Variants in HAVCR1 observed in about 807,000 individuals in gnomAD.
HAVCR1 encodes T cell immunoglobin domain and mucin domain protein 1.
HAVCR1 carries 34 observed loss-of-function variants against 32.0 expected under a neutral mutation model. The ratio of observed to expected loss-of-function variants is 1.06; its 90% CI spans 0.81 to 1.42. The LOEUF (loss-of-function observed/expected upper bound fraction) is 1.42, where lower values mean the gene tolerates loss of function less well. Ranked by LOEUF, HAVCR1 falls within the 40% of genes most tolerant of loss-of-function variation. The pLI, the probability that HAVCR1 is intolerant of heterozygous loss-of-function variation, is 0.00. For synonymous variants in HAVCR1, 178 were observed against 170.3 expected, an observed-to-expected ratio of 1.05 and a Z score of -0.35; for missense variants, 420 against 442.3, an observed-to-expected ratio of 0.95 and a Z score of 0.45.
intron 5 of HAVCR1, among the ~76,000 whole-genome samples, chr5:157,043,748 T>C (rs1006804426): frequency 6.6e-6 from 1 of 152,202 alleles, no homozygotes; most frequent in Non-Finnish European, 1.5e-5. Context: ...GCATCTACCA[T>C]GTAGTGAACA....
intron 5 of HAVCR1, among the ~76,000 whole-genome samples, chr5:157,046,515 G>T (rs1378741548): frequency 6.6e-6 from 1 of 152,334 alleles, no homozygotes; most frequent in African/African-American, 2.4e-5. Flanking sequence ...AGAGTAGCAG[G>T]ATCTCAGAGG....
In HAVCR1 at chr5:157,052,554, AGTC is replaced by A. The variant is rs751440289; in HGVS notation, c.477_479del (p.Thr160del). The A allele has an allele frequency of 3.5e-4, 81 of 231,284 alleles. No individual in the cohort carries two copies. The highest frequency in any genetic ancestry group is 1.8e-3 in the Admixed American group (6 of 3,310). The allele number at this position is 231,284 out of a possible 1,614,324, so 14.3% of individuals were successfully genotyped here. ...TTGTTGGAACAGTTGTCGTTGGAACAGTCGTCATTGGAACAGTCGTTGTCGTTG... is the reference window on the plus strand; with the variant it reads ...TTGTTGGAACAGTTGTCGTTGGAACAGTCATTGGAACAGTCGTTGTCGTTG... On this transcript the variant is annotated inframe_deletion, in exon 4 of 9. Coordinates refer to ENST00000523175, the MANE Select transcript of HAVCR1 (RefSeq NM_001173393.3).
chr5:157,064,538 G>C, the HAVCR1 span, among the ~76,000 whole-genome samples: 1 of 152,052 alleles, frequency 6.6e-6, no homozygotes, highest in Non-Finnish European at 1.5e-5. Flanking sequence ...CCTGAGCCAC[G>C]GGAAGAGCTG....
intron 6 of HAVCR1, among the ~76,000 whole-genome samples, chr5:157,039,607 C>T (rs550029676): frequency 6.6e-6 from 1 of 152,304 alleles, no homozygotes; most frequent in African/African-American, 2.4e-5. Context: ...CCTCAGCCTC[C>T]CAAAGTGCTG....
At chr5:157,062,780 T>C (rs1042659591), upstream of HAVCR1, among the ~76,000 whole-genome samples, 1 of 152,106 alleles carries the variant, frequency 6.6e-6, no homozygotes, top group African/African-American at 2.4e-5. Flanking sequence ...TTATATCTTT[T>C]ACAAAGATAT....
At chr5:157,067,751 C>T in the HAVCR1 span, among the ~76,000 whole-genome samples, 3 of 152,056 alleles carry the variant, frequency 2.0e-5, no homozygotes, top group South Asian at 2.1e-4. Flanking sequence ...TGCAATGGCT[C>T]GATCTCGGCC....
chr5:157,057,388 A>AGAGAGAG (rs1561605904), intron 2 of HAVCR1, among the ~76,000 whole-genome samples: 24 of 4,104 alleles, frequency 5.8e-3, no homozygotes, highest in African/African-American at 0.017. Context: ...GAGAGAGAGG[A>AGAGAGAG]AAGAAAGAAA....
chr5:157,061,280 C>T (rs1756484476), upstream of HAVCR1, among the ~76,000 whole-genome samples: 1 of 152,020 alleles, frequency 6.6e-6, no homozygotes, highest in African/African-American at 2.4e-5. Context: ...GTTGAGATGG[C>T]ACCACTGCAC....
In HAVCR1 at chr5:157,055,237, C is replaced by A; in HGVS notation, c.343G>T (p.Asp115Tyr). 1.3e-6 allele frequency: 2 copies of A among 1,589,352 alleles called. No homozygotes were observed. Among genetic ancestry groups the A allele is most frequent in the Non-Finnish European group, 1.7e-6 (2 of 1,162,110 alleles). Residue 115 changes from aspartate (D) to tyrosine (Y), a missense_variant, in exon 3 of 9, where the codon GAC (aspartate) becomes TAC (tyrosine). Transcript: ENST00000523175. ...CRVEHRGWFNDMKITVSLEIV... is the reference protein window; with the variant it reads ...CRVEHRGWFNYMKITVSLEIV... The stretch of plus-strand genomic sequence containing the variant: ...TCCAATGATACGGTGATTTTCATGT[C>A]ATTGAACCACCCACGGTGCTCAACA...
intron 5 of HAVCR1, among the ~76,000 whole-genome samples, chr5:157,047,808 T>A (rs1011759049): frequency 1.2e-4 from 19 of 152,146 alleles, no homozygotes; most frequent in Admixed American, 1.3e-4. Context: ...GAACCCCAAC[T>A]TGAAACTGGC....
At chr5:157,043,098 C>A (rs996018234) in intron 5 of HAVCR1, among the ~76,000 whole-genome samples, 4 of 151,948 alleles carry the variant, frequency 2.6e-5, no homozygotes, top group Non-Finnish European at 2.9e-5. Context: ...AAAACCAGAA[C>A]CACCCTTTTC....
chr5:157,034,513 T>C (rs1426430164), intron 7 of HAVCR1, among the ~76,000 whole-genome samples: 4 of 151,012 alleles, frequency 2.6e-5, no homozygotes, highest in Non-Finnish European at 5.9e-5. Context: ...GCCTTCCTCT[T>C]ATCTCAACTG....
chr5:157,032,440 C>G (rs551471453), intron 8 of HAVCR1, among the ~76,000 whole-genome samples: 3 of 152,292 alleles, frequency 2.0e-5, no homozygotes, highest in African/African-American at 7.2e-5. Context: ...ATCGCTTGAA[C>G]CCAGGAGGTG....
the HAVCR1 span, among the ~76,000 whole-genome samples, chr5:157,067,782 G>A: frequency 1.8e-4 from 28 of 152,070 alleles, no homozygotes; most frequent in African/African-American, 6.3e-4. Flanking sequence ...TCCGCCTCCC[G>A]GGTTAAAGCG....
At chr5:157,035,909 A>G (rs1160875511) in intron 7 of HAVCR1, among the ~76,000 whole-genome samples, 1 of 152,234 alleles carries the variant, frequency 6.6e-6, no homozygotes, top group African/African-American at 2.4e-5. Context: ...TAATCTAGGG[A>G]AGATTTAAAG....
the HAVCR1 span, among the ~76,000 whole-genome samples, chr5:157,064,283 C>T: frequency 3.5e-5 from 5 of 142,972 alleles, no homozygotes; most frequent in South Asian, 2.2e-4. Flanking sequence ...GAGGCCAAGG[C>T]GGGAGGACTG....
chr5:157,059,544 G>T (rs1284934700), upstream of HAVCR1, among the ~76,000 whole-genome samples: 2 of 152,032 alleles, frequency 1.3e-5, no homozygotes, highest in Non-Finnish European at 2.9e-5. Context: ...GGGTGGTGGC[G>T]GGCGCCTGTA....
intron 7 of HAVCR1, among the ~76,000 whole-genome samples, chr5:157,035,816 CACA>C (rs1199468590): frequency 1.3e-5 from 2 of 151,840 alleles, no homozygotes; most frequent in East Asian, 1.9e-4. Context: ...AAAAATAATA[CACA>C]ACAATAATAA....
intron 6 of HAVCR1, 95 bp from the exon 7 acceptor site, chr5:157,037,456 T>C: frequency 1.5e-6 from 1 of 663,326 alleles, no homozygotes; most frequent in Non-Finnish European, 2.7e-6. Flanking sequence ...CATTTACCTG[T>C]ATTGGTGCTT....
Sources: gnomAD v4.1 joint callset for allele counts (sites outside exome capture counted in the v4.1 genomes callset) on GRCh38, gnomAD v4.1.1 for gene constraint, MANE v1.5 for transcripts, NCBI Gene and HGNC (gene_info 2026-07-23, HGNC 2026-07-21) for gene names.